METTL26: variants seen among roughly 807,000 people sequenced by gnomAD.
METTL26 encodes methyltransferase-like 26.
METTL26 carries 28 observed loss-of-function variants against 24.7 expected under a neutral mutation model. The ratio of observed to expected loss-of-function variants is 1.13; its 90% CI spans 0.84 to 1.55. The LOEUF (loss-of-function observed/expected upper bound fraction) is 1.55, where lower values mean the gene tolerates loss of function less well. Among genes scored for constraint, METTL26 ranks in the 40% most tolerant of loss-of-function variants. METTL26 has a pLI of 0.00. For synonymous variants in METTL26, 165 were observed against 125.2 expected, an observed-to-expected ratio of 1.32 and a Z score of -2.12; for missense variants, 344 against 281.2, an observed-to-expected ratio of 1.22 and a Z score of -1.60.
intron 4 of METTL26, 29 bp from the exon 5 acceptor site, chr16:634,826 G>T: frequency 6.3e-7 from 1 of 1,594,480 alleles, no homozygotes; most frequent in Non-Finnish European, 8.5e-7. Context: ...TGGAGTCATG[G>T]CCTGGGGGGT....
chr16:635,279 AC>A lies in METTL26; in HGVS notation c.420+1del, dbSNP rs1157970508. 2 of 1,578,646 alleles carry A rather than the reference AC, an allele frequency of 1.3e-6. No individual in the cohort carries two copies. The highest frequency in any genetic ancestry group is 2.7e-5 in the African/African-American group (2 of 74,412). Reference sequence around the variant, plus strand: ...AGGCCCGCCGTGGACAGGCCCACTCACCCCGTAGGTGATGAGCAGGGCCCTG... The same window carrying A: ...AGGCCCGCCGTGGACAGGCCCACTCACCCGTAGGTGATGAGCAGGGCCCTG... On this transcript the variant is annotated splice_donor_variant, in intron 3 of 5. Transcript: ENST00000301686. LOFTEE classifies it high-confidence loss of function.
At chr16:635,898 AG>A in intron 1 of METTL26, 124 bp from the exon 2 acceptor site, 1 of 1,376,680 alleles carries the variant, frequency 7.3e-7, no homozygotes, top group Non-Finnish European at 9.6e-7. Flanking sequence ...GCGGCTGGGA[AG>A]GGGGACCCCG....
In METTL26 at chr16:635,219, C is replaced by T. The variant is rs1045570132; in HGVS notation, c.420+62G>A. ...GGAGCCCAGGAGGGAGGACTCTCAG[C>T]AGGGCAGGAGACAGCAGCTAGGACT... On this transcript the variant is annotated intron_variant, in intron 3 of 5. Transcript: ENST00000301686. 2.9e-5 allele frequency: 44 copies of T among 1,512,358 alleles called. 1 individual carries two copies. In the African/African-American group the frequency reaches 6.1e-4, roughly 21 times the overall value. The allele number at this position is 1,512,358 out of a possible 1,614,324, so 93.7% of individuals were successfully genotyped here.
intron 2 of METTL26, 37 bp from the exon 3 acceptor site, chr16:635,377 C>T (rs2037088169): frequency 6.4e-7 from 1 of 1,566,314 alleles, no homozygotes; most frequent in Non-Finnish European, 8.7e-7. Context: ...GAGGTGCTGC[C>T]CCCAACAGAA....
At chr16:635,957 C>T (rs898617980) in intron 1 of METTL26, 137 bp downstream of exon 1, 1 of 1,355,246 alleles carries the variant, frequency 7.4e-7, no homozygotes, top group Non-Finnish European at 9.7e-7. Context: ...CTAGGGCCTG[C>T]CCCGGGGGCA....
rs764888375 is a variant in METTL26, at chr16:635,325, C to A, written c.376G>T (p.Ala126Ser). The change falls in exon 3 of 6, where the codon GCA becomes TCA. Residue 126 changes from alanine to serine, a missense_variant. Physicochemically the swap from Ala to Ser is moderately conservative, Grantham distance 99 (BLOSUM62 1). Coordinates refer to ENST00000301686, the MANE Select transcript of METTL26 (RefSeq NM_032366.5). Reference protein sequence around the residue: ...LRCTEGLFRAAGHLLKPRALL... With the variant: ...LRCTEGLFRASGHLLKPRALL... ...GCCCTGGGTTTGAGCAGGTGTCCTG[C>A]TGCTCTGAAGAGCCCCTGGTGAGTA... 2 of 1,600,154 alleles carry A rather than the reference C, an allele frequency of 1.2e-6. No individual in the cohort carries two copies. The highest frequency in any genetic ancestry group is 8.5e-7 in the Non-Finnish European group (1 of 1,173,484).
chr16:636,009 T>A, intron 1 of METTL26, 85 bp downstream of exon 1: 1 of 1,437,678 alleles, frequency 7.0e-7, no homozygotes, highest in Non-Finnish European at 9.1e-7. Context: ...CCGAGCCGCA[T>A]CCTTTTCCTC....
Position 635,981 on chromosome 16 carries a change from AC to A in METTL26, c.197+112del, listed in dbSNP as rs2037150383. 5 of 1,391,676 alleles carry A rather than the reference AC, an allele frequency of 3.6e-6. No homozygotes were observed. The East Asian group carries it at 1.3e-4, about 36-fold the overall frequency. 86.2% of individuals were successfully genotyped at this position (1,391,676 alleles called of 1,614,324 possible). A position where few individuals can be genotyped will look rare whatever the true frequency, so the allele number is the denominator to read the frequency against. On this transcript the variant is annotated intron_variant, in intron 1 of 5. Coordinates refer to ENST00000301686, the MANE Select transcript of METTL26 (RefSeq NM_032366.5). Reference sequence around the variant, plus strand: ...GCCCCGGGGGCACCCCCAGGCTCCCACCCCGCACCCTCAGAGCCCGAGCCGC... The same window carrying A: ...GCCCCGGGGGCACCCCCAGGCTCCCACCCGCACCCTCAGAGCCCGAGCCGC...
chr16:636,121 G>C lies in METTL26; in HGVS notation c.170C>G (p.Ser57Trp). The C allele has an allele frequency of 7.1e-7, 1 of 1,415,788 alleles. No individual in the cohort carries two copies. Among genetic ancestry groups the C allele is most frequent in the Non-Finnish European group, 9.2e-7 (1 of 1,091,802 alleles). The allele number at this position is 1,415,788 out of a possible 1,614,324, so 87.7% of individuals were successfully genotyped here. ...RAFPLAEWQPSDVDQRCLDSI... is the reference protein window; with the variant it reads ...RAFPLAEWQPWDVDQRCLDSI... The stretch of plus-strand genomic sequence containing the variant: ...GTCCAGGCAGCGCTGGTCCACGTCC[G>C]ACGGCTGCCACTCGGCCAGGGGGAA... Residue 57 changes from serine (S) to tryptophan (W), a missense_variant, in exon 1 of 6, where the codon TCG becomes TGG. Coordinates refer to ENST00000301686, the MANE Select transcript of METTL26 (RefSeq NM_032366.5).
chr16:634,864 C>T (rs1567201408), intron 4 of METTL26, 25 bp downstream of exon 4: 4 of 1,569,978 alleles, frequency 2.5e-6, no homozygotes, highest in Non-Finnish European at 3.5e-6. Context: ...CCACCTGAGC[C>T]AGACCCCCCG....
At position 636,091 on chromosome 16, in the gene METTL26, C is replaced by T. The variant is rs2037158610; in HGVS notation, c.197+3G>A. On this transcript the variant is annotated splice_donor_region_variant and intron_variant, in intron 1 of 5. Transcript: ENST00000301686. ...ATAGAAGTGGCCGCCCCGGGGGCCGCACCTGTCCAGGCAGCGCTGGTCCAC... is the reference window on the plus strand; with the variant it reads ...ATAGAAGTGGCCGCCCCGGGGGCCGTACCTGTCCAGGCAGCGCTGGTCCAC... 3 of 1,407,250 alleles carry T rather than the reference C, an allele frequency of 2.1e-6. No individual in the cohort carries two copies. In the East Asian group the frequency reaches 8.4e-5, roughly 39 times the overall value. 87.2% of individuals were successfully genotyped at this position (1,407,250 alleles called of 1,614,324 possible).
Position 634,609 on chromosome 16 carries a change from G to C in METTL26, c.603C>G (p.Phe201Leu). 6.2e-7 allele frequency: 1 copy of C among 1,613,394 alleles called. No homozygotes were observed. The change falls in exon 6 of 6, where the codon TTC (phenylalanine) becomes TTG (leucine). Residue 201 changes from phenylalanine (F) to leucine (L), a missense_variant. By Grantham distance (22) the Phe-to-Leu change is conservative (BLOSUM62 0). Coordinates refer to ENST00000301686, the MANE Select transcript of METTL26 (RefSeq NM_032366.5). Reference protein sequence around the residue: ...DMPANNKCLIFRKN With the variant: ...DMPANNKCLILRKN ...GTGAAGGAGGGGCTTAGTTTTTCCGGAAGATCAGGCATTTGTTGTTGGCTG... is the reference window on the plus strand; with the variant it reads ...GTGAAGGAGGGGCTTAGTTTTTCCGCAAGATCAGGCATTTGTTGTTGGCTG...
chr16:635,557 C>A (rs2151091059), intron 2 of METTL26, 55 bp downstream of exon 2: 1 of 1,542,922 alleles, frequency 6.5e-7, no homozygotes, highest in East Asian at 2.4e-5. Flanking sequence ...CCCAGCTGCC[C>A]CCATGCAGGG....
In METTL26 at chr16:636,107, G is replaced by C; in HGVS notation, c.184C>G (p.Arg62Gly). Residue 62 changes from arginine to glycine, a missense_variant, in exon 1 of 6, where the codon CGC becomes GGC. By Grantham distance (125) the Arg-to-Gly change is moderately radical. Coordinates refer to ENST00000301686, the MANE Select transcript of METTL26 (RefSeq NM_032366.5). The part of the protein sequence containing the change: ...AEWQPSDVDQ[R>G]CLDSIAATTQ... ...CGGGGGCCGCACCTGTCCAGGCAGC[G>C]CTGGTCCACGTCCGACGGCTGCCAC... The C allele has an allele frequency of 1.4e-6, 2 of 1,406,760 alleles. No individual in the cohort carries two copies. The highest frequency in any genetic ancestry group is 1.8e-6 in the Non-Finnish European group (2 of 1,088,154). 87.1% of individuals were successfully genotyped at this position (1,406,760 alleles called of 1,614,324 possible).
intron 2 of METTL26, 25 bp from the exon 3 acceptor site, chr16:635,365 G>C: frequency 1.9e-6 from 3 of 1,583,750 alleles, no homozygotes; most frequent in Non-Finnish European, 2.6e-6. Flanking sequence ...CAGGACGGCA[G>C]TGAGGTGCTG....
At position 636,165 on chromosome 16, in the gene METTL26, TGCGTGCTG is replaced by T; in HGVS notation, c.118_125del (p.Gln40SerfsTer115). 6.8e-7 allele frequency: 1 copy of T among 1,478,180 alleles called. No individual in the cohort carries two copies. The highest frequency in any genetic ancestry group is 8.9e-7 in the Non-Finnish European group (1 of 1,122,498). The allele number at this position is 1,478,180 out of a possible 1,614,324, so 91.6% of individuals were successfully genotyped here. ...GGGGGAAGGCCCGCGCGAAGTGCGCTGCGTGCTGGCCGGAGCCCGAGGCCACCTCGAGG... is the reference window on the plus strand; with the variant it reads ...GGGGGAAGGCCCGCGCGAAGTGCGCTGCCGGAGCCCGAGGCCACCTCGAGG... On this transcript the variant is annotated frameshift_variant, in exon 1 of 6. Transcript: ENST00000301686. LOFTEE classifies it high-confidence loss of function.
At position 636,208 on chromosome 16, in the gene METTL26, C is replaced by A; in HGVS notation, c.83G>T (p.Gly28Val). ...LRQYLDPAQRGVRVLEVASGS... is the reference protein window; with the variant it reads ...LRQYLDPAQRVVRVLEVASGS... ...CGAGGCCACCTCGAGGACGCGGACG[C>A]CACGCTGGGCCGGATCCAGGTACTG... The change falls in exon 1 of 6, where the codon GGC becomes GTC. Residue 28 changes from glycine (G) to valine (V), a missense_variant. Transcript: ENST00000301686. 6.7e-7 allele frequency: 1 copy of A among 1,489,090 alleles called. No individual in the cohort carries two copies. The highest frequency in any genetic ancestry group is 2.4e-4 in the Middle Eastern group (1 of 4,226). The allele number at this position is 1,489,090 out of a possible 1,614,324, so 92.2% of individuals were successfully genotyped here.
Position 636,168 on chromosome 16 carries a change from G to A in METTL26, c.123C>T (p.His41=), listed in dbSNP as rs182493474. 1.8e-4 allele frequency: 263 copies of A among 1,483,576 alleles called. 1 individual carries two copies. The African/African-American group carries it at 3.7e-3, about 21-fold the overall frequency. 91.9% of individuals were successfully genotyped at this position (1,483,576 alleles called of 1,614,324 possible). A position where few individuals can be genotyped will look rare whatever the true frequency, so the allele number is the denominator to read the frequency against. Reference sequence around the variant, plus strand: ...GGAAGGCCCGCGCGAAGTGCGCTGCGTGCTGGCCGGAGCCCGAGGCCACCT... The same window carrying A: ...GGAAGGCCCGCGCGAAGTGCGCTGCATGCTGGCCGGAGCCCGAGGCCACCT... ...VLEVASGSGQ[H]AAHFARAFPL... is the part of the protein sequence containing the mutation. Residue 41 remains histidine (H), a synonymous_variant, in exon 1 of 6, where the codon CAC becomes CAT. Coordinates refer to ENST00000301686, the MANE Select transcript of METTL26 (RefSeq NM_032366.5).
Position 635,701 on chromosome 16 carries a change from A to G in METTL26, c.271T>C (p.Trp91Arg). 1 of 1,565,006 alleles carries G rather than the reference A, an allele frequency of 6.4e-7. No homozygotes were observed. Among genetic ancestry groups the G allele is most frequent in the Non-Finnish European group, 8.7e-7 (1 of 1,155,908 alleles). The change falls in exon 2 of 6, where the codon TGG becomes CGG. Residue 91 changes from tryptophan to arginine, a missense_variant. Trp to Arg is a moderately radical substitution (Grantham distance 101). Transcript: ENST00000301686. ...GGCAGGATCCCGCCCCAGTGCTCCC[A>G]GCCCCACGTCACGTCCAGGTGTAGC... ...APLHLDVTWG[W>R]EHWGGILPQS...
Sources: allele counts gnomAD v4.1 joint callset, GRCh38; gene constraint gnomAD v4.1.1; transcripts MANE v1.5; gene names NCBI Gene and HGNC (gene_info 2026-07-23, HGNC 2026-07-21).